The following DLG5 variants were observed in gnomAD, a reference collection of about 807,000 sequenced individuals.
The protein encoded by DLG5 is discs large MAGUK scaffold protein 5, also known as disks large homolog 5.
DLG5 carries 48 observed loss-of-function variants against 189.8 expected under a neutral mutation model. That is an observed-to-expected ratio of 0.25 (90% CI 0.20 to 0.32). The LOEUF is 0.32. Among genes scored for constraint, DLG5 ranks in the 10% least tolerant of loss-of-function variants. The probability of loss-of-function intolerance (pLI) is 1.00; values close to 1 mark genes in which losing one functional copy is unlikely to be tolerated. For synonymous variants in DLG5, 1,016 were observed against 1,054.1 expected (o/e 0.96, Z 0.70); for missense variants, 2,160 against 2,544.7 (o/e 0.85, Z 3.25).
At chr10:77,844,962 AG>A (rs1843613965) in intron 5 of DLG5, among the ~76,000 whole-genome samples, 1 of 152,010 alleles carries the variant, frequency 6.6e-6, no homozygotes, top group African/African-American at 2.4e-5. Context: ...CCCAATGCAC[AG>A]GGGGAGGTGG....
chr10:77,794,965 T>TG lies in DLG5; in HGVS notation c.5437-8dup. 6.2e-7 allele frequency: 1 copy of TG among 1,612,330 alleles called. No homozygotes were observed. Among genetic ancestry groups the TG allele is most frequent in the East Asian group, 2.2e-5 (1 of 44,840 alleles). ...CCAGGAGGCAGTGTCGGTTCTGGGG[T>TG]GGGGGGTGCAGAGTGAGCCCTGGCG... On this transcript the variant is annotated splice_region_variant and splice_polypyrimidine_tract_variant and intron_variant, in intron 29 of 31. Transcript: ENST00000372391.
chr10:77,837,115 T>C (rs1321460567), intron 7 of DLG5, among the ~76,000 whole-genome samples: 1 of 145,476 alleles, frequency 6.9e-6, no homozygotes, highest in East Asian at 2.0e-4. Context: ...CATGGGAGAC[T>C]GAGGCAGGAG....
chr10:77,827,230 T>C (rs1179723785), intron 13 of DLG5, among the ~76,000 whole-genome samples: 1 of 152,154 alleles, frequency 6.6e-6, no homozygotes, highest in Non-Finnish European at 1.5e-5. Context: ...CAGTTTTTGT[T>C]TTTTATTTAT....
At chr10:77,937,016 G>T in the DLG5 span, among the ~76,000 whole-genome samples, 1 of 151,948 alleles carries the variant, frequency 6.6e-6, no homozygotes, top group African/African-American at 2.4e-5. Context: ...TTATCTCCTG[G>T]TCAGCCTAGT....
chr10:77,846,105 C>G (rs1263105969), intron 5 of DLG5, among the ~76,000 whole-genome samples: 1 of 152,058 alleles, frequency 6.6e-6, no homozygotes, highest in Non-Finnish European at 1.5e-5. Flanking sequence ...ATTAGCTGGG[C>G]GTGGTGGCGG....
At chr10:77,895,565 G>C (rs1290398254) in intron 1 of DLG5, among the ~76,000 whole-genome samples, 2 of 152,158 alleles carry the variant, frequency 1.3e-5, no homozygotes, top group Non-Finnish European at 2.9e-5. Context: ...AAGAAATTCA[G>C]AACACAGAAG....
At chr10:77,813,460 C>G (rs1306883603) in intron 20 of DLG5, among the ~76,000 whole-genome samples, 1 of 152,186 alleles carries the variant, frequency 6.6e-6, no homozygotes, top group East Asian at 1.9e-4. Flanking sequence ...CTCTCCCACC[C>G]TCCAAAGTGT....
chr10:77,917,789 G>A lies in DLG5; in HGVS notation c.304+8428C>T, dbSNP rs550079710. ...CGCCTGTAATCCCAGCACTTTGGGA[G>A]GCCGAGGCGGGTGGATCACCTGAGG... On this transcript the variant is annotated intron_variant, in intron 1 of 31. Transcript: ENST00000372391. Among the ~76,000 whole-genome samples the A allele has an allele frequency of 5.4e-3, 827 of 152,208 alleles. 2 individuals carry two copies. The highest frequency in any genetic ancestry group is 8.9e-3 in the Non-Finnish European group (602 of 68,002).
At chr10:77,825,307 T>C (rs765826155) in intron 13 of DLG5, among the ~76,000 whole-genome samples, 2 of 150,974 alleles carry the variant, frequency 1.3e-5, no homozygotes, top group South Asian at 4.2e-4. Context: ...TCAGTGCTGA[T>C]AGAACAGCTA....
chr10:77,922,482 C>A (rs551122912), intron 1 of DLG5, among the ~76,000 whole-genome samples: 22 of 152,154 alleles, frequency 1.4e-4, no homozygotes, highest in Non-Finnish European at 2.5e-4. Context: ...CCCCGCAGAT[C>A]CATGTATCAA....
chr10:77,853,988 C>A (rs949447124), intron 4 of DLG5, among the ~76,000 whole-genome samples: 1 of 152,254 alleles, frequency 6.6e-6, no homozygotes, highest in East Asian at 1.9e-4. Context: ...TTCTGAATCA[C>A]TTTCATGCCT....
Position 77,807,800 on chromosome 10 carries a change from T to C in DLG5, c.4792A>G (p.Ile1598Val), listed in dbSNP as rs766475769. ...AKGLPGDSFY[I>V]RALYDRLADV... Reference sequence around the variant, plus strand: ...CGATTCCCCAGCCACTGGTACCTGATGTAGAAGCTGTCACCAGGCAGGCCC... The same window carrying C: ...CGATTCCCCAGCCACTGGTACCTGACGTAGAAGCTGTCACCAGGCAGGCCC... Residue 1598 changes from isoleucine (I) to valine (V), a missense_variant, in exon 25 of 32, where the codon ATC (isoleucine) becomes GTC (valine). Coordinates refer to ENST00000372391, the MANE Select transcript of DLG5 (RefSeq NM_004747.4). 5.6e-6 allele frequency: 9 copies of C among 1,613,430 alleles called. No homozygotes were observed. The South Asian group carries it at 8.8e-5, about 16-fold the overall frequency.
intron 10 of DLG5, 25 bp from the exon 11 acceptor site, chr10:77,830,369 C>T (rs766816016): frequency 1.1e-5 from 18 of 1,613,926 alleles, no homozygotes; most frequent in East Asian, 2.2e-5. Flanking sequence ...GCAACAGCAA[C>T]GCATTTCACA....
chr10:77,852,744 A>G (rs916756581), intron 5 of DLG5, among the ~76,000 whole-genome samples: 6 of 152,232 alleles, frequency 3.9e-5, no homozygotes, highest in African/African-American at 1.4e-4. Context: ...AGTTACAAAA[A>G]TAAAAGAGGT....
chr10:77,893,434 C>A (rs1469908460), intron 1 of DLG5, among the ~76,000 whole-genome samples: 1 of 152,240 alleles, frequency 6.6e-6, no homozygotes, highest in African/African-American at 2.4e-5. Context: ...CCCCACTTTA[C>A]TGAAGAGAAA....
At chr10:77,880,884 A>G (rs1428630332) in intron 1 of DLG5, among the ~76,000 whole-genome samples, 2 of 150,516 alleles carry the variant, frequency 1.3e-5, no homozygotes, top group African/African-American at 4.9e-5. Context: ...AGAGAAGCCA[A>G]GTAACTTGCC....
intron 9 of DLG5, 147 bp downstream of exon 9, chr10:77,833,767 C>T: frequency 2.6e-6 from 3 of 1,160,522 alleles, no homozygotes; most frequent in Non-Finnish European, 3.7e-6. Context: ...CAGAGTAAGG[C>T]AGAGTGAAGT....
chr10:77,794,233 C>T (rs2154574741), intron 30 of DLG5, 116 bp from the exon 31 acceptor site: 1 of 819,222 alleles, frequency 1.2e-6, no homozygotes, highest in South Asian at 1.5e-5. Flanking sequence ...TGGAGGGAGG[C>T]CCCATGTGCT....
chr10:77,806,626 A>C (rs1029285970), intron 26 of DLG5, 132 bp downstream of exon 26: 1 of 1,261,596 alleles, frequency 7.9e-7, no homozygotes, highest in Non-Finnish European at 1.1e-6. Flanking sequence ...TGTAGAGAGC[A>C]GAAGCTAAGA....
Sources: gnomAD v4.1 joint callset for allele counts (sites outside exome capture counted in the v4.1 genomes callset) on GRCh38, gnomAD v4.1.1 for gene constraint, MANE v1.5 for transcripts, NCBI Gene and HGNC (gene_info 2026-07-23, HGNC 2026-07-21) for gene names.